The following SHISAL2A variants were observed in gnomAD, a reference collection of about 807,000 sequenced individuals.
The protein encoded by SHISAL2A is protein shisa-like-2A.
Under a neutral mutation model 11.5 loss-of-function variants are expected in SHISAL2A, and 18 were observed. That is an observed-to-expected ratio of 1.57 (90% CI 1.08 to 2.33). The LOEUF is 2.33. Ranked by LOEUF, SHISAL2A falls within the 30% of genes most tolerant of loss-of-function variation. The pLI is 0.00. For missense variants in SHISAL2A, 261 were observed against 250.9 expected, an observed-to-expected ratio of 1.04 and a Z score of -0.27; for synonymous variants, 94 against 99.6, an observed-to-expected ratio of 0.94 and a Z score of 0.34.
At chr1:52,646,352 T>C (rs1006164837) in intron 2 of SHISAL2A, among the ~76,000 whole-genome samples, 11 of 152,174 alleles carry the variant, frequency 7.2e-5, no homozygotes, top group African/African-American at 2.2e-4. Flanking sequence ...TAGGAATTTG[T>C]ATAAAATGTA....
chr1:52,667,497 TCACCAC>T, exon 5 of SHISAL2A: 1 of 471,678 alleles, frequency 2.1e-6, no homozygotes. Flanking sequence ...ACCATCACCA[TCACCAC>T]CACCACCATC....
chr1:52,642,835 C>T (rs749345188), intron 1 of SHISAL2A, 28 bp from the exon 2 acceptor site: 2 of 1,611,162 alleles, frequency 1.2e-6, no homozygotes, highest in Non-Finnish European at 1.7e-6. Context: ...TCCTGACTCT[C>T]AGCTCCCATG....
intron 2 of SHISAL2A, among the ~76,000 whole-genome samples, chr1:52,650,210 T>C (rs556794852): frequency 6.6e-6 from 1 of 152,322 alleles, no homozygotes; most frequent in South Asian, 2.1e-4. Flanking sequence ...TGAGTTTGTT[T>C]TGACTCCTCC....
At chr1:52,665,658 T>C (rs1419551087) in intron 4 of SHISAL2A, among the ~76,000 whole-genome samples, 3 of 152,192 alleles carry the variant, frequency 2.0e-5, no homozygotes, top group Admixed American at 6.5e-5. Flanking sequence ...ATGGGCCCTA[T>C]TGGGGCCCAG....
rs1346655672 is a variant in SHISAL2A, at chr1:52,655,038, T to G, written c.323-1752T>G. On this transcript the variant is annotated intron_variant, in intron 2 of 2. Coordinates refer to ENST00000517870, the MANE Select transcript of SHISAL2A (RefSeq NM_001042693.3). ...TCTCTACTAAAAATACAAAAAGAAT[T>G]AGCCAGGTCTTGTGGCACAAGCCTG... Among the ~76,000 whole-genome samples the G allele has an allele frequency of 2.6e-5, 4 of 151,810 alleles. No homozygotes were observed. In the East Asian group the frequency reaches 7.8e-4, roughly 29 times the overall value.
downstream of SHISAL2A, among the ~76,000 whole-genome samples, chr1:52,661,488 AG>A (rs543010553): frequency 1.5e-3 from 222 of 152,322 alleles, no homozygotes; most frequent in Admixed American, 2.4e-3. Flanking sequence ...CTGTTGGCTC[AG>A]GGGCCAGGGC....
rs1691172596 is a variant in SHISAL2A at position 52,633,513 on chromosome 1, G to A, written c.20G>A (p.Ser7Asn). MSGACTSYVSAEQEVVR... is the reference protein window; with the variant it reads MSGACTNYVSAEQEVVR... ...GGCGCGATGAGCGGCGCCTGCACGA[G>A]CTACGTGAGCGCAGAGCAGGAGGTG... is the stretch of plus-strand genomic sequence containing the variant. The change falls in exon 1 of 3, where the codon AGC becomes AAC. Residue 7 changes from serine (S) to asparagine (N), a missense_variant. By Grantham distance (46) the Ser-to-Asn change is conservative. Transcript: ENST00000517870. This position sits in a 1 kb window ranked among gnomAD's most constrained non-coding sequence, Gnocchi z 6.4. 6.4e-7 allele frequency: 1 copy of A among 1,565,242 alleles called. No individual in the cohort carries two copies.
At chr1:52,645,395 A>ACGTTT in intron 2 of SHISAL2A, among the ~76,000 whole-genome samples, 1 of 84,128 alleles carries the variant, frequency 1.2e-5, no homozygotes, top group Non-Finnish European at 3.1e-5. Context: ...TGAGGCTTCA[A>ACGTTT]CGTTTTGTTT....
At chr1:52,648,291 C>T (rs2149883047) in intron 2 of SHISAL2A, among the ~76,000 whole-genome samples, 1 of 151,718 alleles carries the variant, frequency 6.6e-6, no homozygotes, top group Non-Finnish European at 1.5e-5. Context: ...ACTAAATGTC[C>T]ATAGGTAGAG....
rs562881219 is a variant in SHISAL2A, at chr1:52,662,374, T to C, written n.695+2794T>C. Among the ~76,000 whole-genome samples, 748 of 152,064 alleles carry C rather than the reference T, an allele frequency of 4.9e-3. 6 individuals are homozygous for C. The highest frequency in any genetic ancestry group is 8.8e-3 in the Non-Finnish European group (601 of 67,980). On this transcript the variant is annotated intron_variant and non_coding_transcript_variant, in intron 4 of 5. Coordinates refer to the SHISAL2A transcript ENST00000401050. ...TTTATTTATTTATTGAGACAGAGTC[T>C]TGCTCTGTCACCCAGGCTGGAGTGC...
chr1:52,658,989 T>C (rs1691851995), downstream of SHISAL2A, among the ~76,000 whole-genome samples: 1 of 151,348 alleles, frequency 6.6e-6, no homozygotes, highest in East Asian at 1.9e-4. Flanking sequence ...AGTCAAGAGA[T>C]TTTGGTTCTG....
exon 6 of SHISAL2A, chr1:52,668,644 G>A (rs185502279): frequency 6.6e-6 from 1 of 152,322 alleles, no homozygotes; most frequent in African/African-American, 2.4e-5. Context: ...CAAAGGAGGA[G>A]TGAACGTCTA....
intron 2 of SHISAL2A, among the ~76,000 whole-genome samples, chr1:52,644,900 C>G (rs754963205): frequency 4.1e-4 from 62 of 151,066 alleles, no homozygotes; most frequent in Non-Finnish European, 7.1e-4. Context: ...GCCTGTAGTC[C>G]CAGCTACTCA....
chr1:52,652,965 CAAAAAAAAA>C (rs36154490), intron 2 of SHISAL2A, among the ~76,000 whole-genome samples: 50 of 22,370 alleles, frequency 2.2e-3, no homozygotes, highest in African/African-American at 0.01. Context: ...GACTCTGTCT[CAAAAAAAAA>C]AAAAAAAAAA....
At chr1:52,666,002 C>T (rs1377087427) in intron 4 of SHISAL2A, among the ~76,000 whole-genome samples, 1 of 152,160 alleles carries the variant, frequency 6.6e-6, no homozygotes, top group African/African-American at 2.4e-5. Context: ...TCTAGGCCAC[C>T]ACTATTTACA....
chr1:52,649,539 T>C (rs1250058874), intron 2 of SHISAL2A, among the ~76,000 whole-genome samples: 2 of 152,234 alleles, frequency 1.3e-5, no homozygotes, highest in Non-Finnish European at 2.9e-5. Context: ...TTCTGTACTC[T>C]GTCCCATCAC....
At chr1:52,656,187 G>A (rs925425831) in intron 2 of SHISAL2A, among the ~76,000 whole-genome samples, 1 of 152,182 alleles carries the variant, frequency 6.6e-6, no homozygotes, top group Admixed American at 6.5e-5. Flanking sequence ...AATAAATAAT[G>A]TTAAATGTTC....
At chr1:52,650,345 G>A (rs946077190) in intron 2 of SHISAL2A, among the ~76,000 whole-genome samples, 2 of 152,132 alleles carry the variant, frequency 1.3e-5, no homozygotes, top group African/African-American at 2.4e-5. Flanking sequence ...AGGAGGGAAG[G>A]CACAGCGCTG....
At chr1:52,640,629 A>G (rs969588538) in intron 1 of SHISAL2A, among the ~76,000 whole-genome samples, 7 of 151,904 alleles carry the variant, frequency 4.6e-5, no homozygotes, top group African/African-American at 1.7e-4. Flanking sequence ...AAAACAAACA[A>G]AAAAAAACAT....
Sources: gnomAD v4.1 joint callset for allele counts (sites outside exome capture counted in the v4.1 genomes callset) on GRCh38, gnomAD v4.1.1 for gene constraint, Gnocchi (gnomAD v3.1) non-coding constraint, MANE v1.5 for transcripts, NCBI Gene and HGNC (gene_info 2026-07-23, HGNC 2026-07-21) for gene names.